TESC: variants seen among roughly 807,000 people sequenced by gnomAD.
TESC encodes the protein calcineurin B homologous protein 3.
A neutral mutation model predicts 31.0 loss-of-function variants in TESC; 19 were observed. The ratio of observed to expected loss-of-function variants is 0.61; its 90% CI spans 0.43 to 0.90. The LOEUF (loss-of-function observed/expected upper bound fraction) is 0.90. Ranked by LOEUF, TESC falls within the 40% of genes least tolerant of loss-of-function variation. The pLI, the probability that TESC is intolerant of heterozygous loss-of-function variation, is 0.00. For synonymous variants in TESC, 109 were observed against 114.8 expected, an observed-to-expected ratio of 0.95 and a Z score of 0.32; for missense variants, 248 against 303.8, an observed-to-expected ratio of 0.82 and a Z score of 1.36.
intron 1 of TESC, among the ~76,000 whole-genome samples, chr12:117,079,299 T>C (rs1955113749): frequency 6.6e-6 from 1 of 152,088 alleles, no homozygotes; most frequent in South Asian, 2.1e-4. Flanking sequence ...TGGTGGCTCA[T>C]GCCTGTAATA....
chr12:117,065,927 G>A (rs1426414256), intron 2 of TESC, among the ~76,000 whole-genome samples: 4 of 152,114 alleles, frequency 2.6e-5, no homozygotes, highest in African/African-American at 9.7e-5. Flanking sequence ...CCACATCTGT[G>A]CATTTTATTT....
chr12:117,097,649 CTT>C (rs1272475893), intron 1 of TESC, among the ~76,000 whole-genome samples: 3 of 152,152 alleles, frequency 2.0e-5, no homozygotes, highest in Non-Finnish European at 4.4e-5. Context: ...GTGCATAAAA[CTT>C]TTTGAGTAAG....
intron 2 of TESC, among the ~76,000 whole-genome samples, chr12:117,068,109 G>A (rs879711803): frequency 1.5e-4 from 23 of 152,006 alleles, no homozygotes; most frequent in South Asian, 4.1e-4. Context: ...GCCCAGGCTC[G>A]TCCCAAACTC....
chr12:117,087,734 T>C (rs760261834), intron 1 of TESC, among the ~76,000 whole-genome samples: 10 of 152,218 alleles, frequency 6.6e-5, no homozygotes, highest in Non-Finnish European at 1.5e-4. Context: ...TCCCAGCTAC[T>C]TGGGAGGCTG....
intron 3 of TESC, among the ~76,000 whole-genome samples, chr12:117,054,618 A>G (rs1443031638): frequency 6.6e-6 from 1 of 152,138 alleles, no homozygotes; most frequent in East Asian, 1.9e-4. Context: ...CTCCAGGGGC[A>G]GCTGAAGGAC....
In TESC at chr12:117,075,266, CT is replaced by C; in HGVS notation, c.128+4del. 6.2e-7 allele frequency: 1 copy of C among 1,612,566 alleles called. No individual in the cohort carries two copies. The highest frequency in any genetic ancestry group is 8.5e-7 in the Non-Finnish European group (1 of 1,179,812). On this transcript the variant is annotated splice_donor_region_variant and intron_variant, in intron 2 of 7. Coordinates refer to ENST00000335209, the MANE Select transcript of TESC (RefSeq NM_017899.4). The stretch of plus-strand genomic sequence containing the variant: ...CCCAGCACCCAAACCCGCTGCCAAT[CT>C]TACCGAATGGTAGGCTGATCTCCAC...
At position 117,039,076 on chromosome 12, in the gene TESC, T is replaced by C; in HGVS notation, c.*57A>G. 1 of 1,585,012 alleles carries C rather than the reference T, an allele frequency of 6.3e-7. No homozygotes were observed. Among genetic ancestry groups the C allele is most frequent in the South Asian group, 1.1e-5 (1 of 87,660 alleles). ...TCCGCCGGGCCTGGGCTGCTCCAGC[T>C]ACGCGGGGAGGCGGCCCCATTGCAA... is the stretch of plus-strand genomic sequence containing the variant. On this transcript the variant is annotated 3_prime_UTR_variant, in exon 8 of 8. Transcript: ENST00000335209.
At chr12:117,096,499 T>C (rs373367693) in intron 1 of TESC, among the ~76,000 whole-genome samples, 10 of 152,056 alleles carry the variant, frequency 6.6e-5, no homozygotes, top group African/African-American at 2.2e-4. Context: ...CCCAAGGTCA[T>C]GTAGCTCAGA....
At chr12:117,076,719 C>T (rs998243431) in intron 1 of TESC, among the ~76,000 whole-genome samples, 21 of 152,228 alleles carry the variant, frequency 1.4e-4, no homozygotes, top group Non-Finnish European at 1.5e-4. Context: ...GCTGGGATTA[C>T]AGGTGTGAAC....
chr12:117,039,696 T>C (rs1037519419), intron 7 of TESC, among the ~76,000 whole-genome samples: 2 of 152,188 alleles, frequency 1.3e-5, no homozygotes, highest in African/African-American at 4.8e-5. Context: ...TCGTCATCAA[T>C]TTAAGGATCT....
intron 1 of TESC, among the ~76,000 whole-genome samples, chr12:117,096,117 A>T (rs1224083477): frequency 6.6e-6 from 1 of 152,120 alleles, no homozygotes; most frequent in Non-Finnish European, 1.5e-5. Flanking sequence ...TGCTTGGGGA[A>T]TTATGTTCAT....
chr12:117,040,262 T>C (rs1413941979), intron 7 of TESC, among the ~76,000 whole-genome samples: 3 of 152,166 alleles, frequency 2.0e-5, no homozygotes, highest in South Asian at 4.1e-4. Context: ...CCATCCTTGC[T>C]GGATGCACGA....
chr12:117,073,338 G>A (rs142144593), intron 2 of TESC, among the ~76,000 whole-genome samples: 1 of 152,278 alleles, frequency 6.6e-6, no homozygotes, highest in East Asian at 1.9e-4. Flanking sequence ...CTGGGCTCAG[G>A]TTCTCTCTCC....
chr12:117,041,854 C>G (rs569215747), intron 7 of TESC, 93 bp downstream of exon 7: 1 of 1,320,322 alleles, frequency 7.6e-7, no homozygotes, highest in African/African-American at 1.5e-5. Context: ...CTGTCCCTTG[C>G]TACTGCAGGT....
At chr12:117,047,780 C>T (rs940108144) in intron 4 of TESC, among the ~76,000 whole-genome samples, 5 of 151,994 alleles carry the variant, frequency 3.3e-5, no homozygotes, top group Non-Finnish European at 4.4e-5. Flanking sequence ...CTCACTCTGT[C>T]GCACAGGCTG....
intron 7 of TESC, among the ~76,000 whole-genome samples, chr12:117,040,883 T>A (rs1954472969): frequency 6.6e-6 from 1 of 152,184 alleles, no homozygotes; most frequent in African/African-American, 2.4e-5. Flanking sequence ...TGCTCTAGGC[T>A]CCTTGGCCAG....
intron 1 of TESC, among the ~76,000 whole-genome samples, chr12:117,082,087 G>C (rs1955156770): frequency 6.6e-6 from 1 of 150,604 alleles, no homozygotes; most frequent in African/African-American, 2.5e-5. Flanking sequence ...CAAAAAATTA[G>C]CTGGGTGTGG....
intron 2 of TESC, among the ~76,000 whole-genome samples, chr12:117,066,895 G>T (rs1433343557): frequency 6.6e-6 from 1 of 152,116 alleles, no homozygotes; most frequent in Non-Finnish European, 1.5e-5. Flanking sequence ...CCTGGGAAAA[G>T]AATCTCTATA....
chr12:117,047,387 G>A (rs768517805), intron 4 of TESC, among the ~76,000 whole-genome samples: 1 of 151,898 alleles, frequency 6.6e-6, no homozygotes, highest in African/African-American at 2.4e-5. Context: ...TTGGGAGCTG[G>A]AGCTCTCCCA....
Sources: gnomAD v4.1 joint callset for allele counts (sites outside exome capture counted in the v4.1 genomes callset) on GRCh38, gnomAD v4.1.1 for gene constraint, MANE v1.5 for transcripts, NCBI Gene and HGNC (gene_info 2026-07-23, HGNC 2026-07-21) for gene names.